TANC2: variants seen among roughly 807,000 people sequenced by gnomAD.
TANC2 encodes protein TANC2.
Under a neutral mutation model 210.5 loss-of-function variants are expected in TANC2, and 26 were observed. The observed-to-expected ratio is 0.12, with a 90% CI of 0.09 to 0.17. TANC2 has a LOEUF of 0.17. Among genes scored for constraint, TANC2 ranks in the 10% least tolerant of loss-of-function variants. The pLI is 1.00. For synonymous variants in TANC2, 931 were observed against 967.1 expected, an observed-to-expected ratio of 0.96 and a Z score of 0.69; for missense variants, 2,129 against 2,608.9, an observed-to-expected ratio of 0.82 and a Z score of 4.01.
chr17:63,110,212 A>T (rs2037982956), intron 4 of TANC2, among the ~76,000 whole-genome samples: 1 of 151,574 alleles, frequency 6.6e-6, no homozygotes, highest in African/African-American at 2.4e-5. Context: ...GCATGGCTTT[A>T]CAGAAACTGT....
At chr17:63,257,442 C>A (rs947861481) in intron 8 of TANC2, among the ~76,000 whole-genome samples, 2 of 151,620 alleles carry the variant, frequency 1.3e-5, no homozygotes, top group Non-Finnish European at 2.9e-5. Flanking sequence ...ACTGCAACCC[C>A]CACCTCCTGG....
intron 4 of TANC2, among the ~76,000 whole-genome samples, chr17:63,106,512 A>T (rs1424296526): frequency 2.0e-5 from 3 of 151,630 alleles, no homozygotes; most frequent in Non-Finnish European, 4.4e-5. Context: ...TGACCAGATT[A>T]TCAAGGGTAG....
chr17:63,384,487 G>C (rs969729241), intron 15 of TANC2, among the ~76,000 whole-genome samples: 1 of 151,658 alleles, frequency 6.6e-6, no homozygotes, highest in South Asian at 2.1e-4. Flanking sequence ...TATATATTTG[G>C]GGTTAAGAGT....
chr17:63,217,878 G>GT (rs2145909829), intron 7 of TANC2, among the ~76,000 whole-genome samples: 1 of 152,108 alleles, frequency 6.6e-6, no homozygotes, highest in East Asian at 1.9e-4. Context: ...TTACTAATGG[G>GT]TTTTATACCA....
chr17:63,343,043 C>T (rs1386349045), intron 12 of TANC2, among the ~76,000 whole-genome samples: 1 of 151,682 alleles, frequency 6.6e-6, no homozygotes, highest in Non-Finnish European at 1.5e-5. Context: ...TTAGAGTGAC[C>T]CAAAAGAACT....
intron 3 of TANC2, among the ~76,000 whole-genome samples, chr17:63,090,757 C>T (rs375653826): frequency 6.6e-6 from 1 of 152,136 alleles, no homozygotes; most frequent in Non-Finnish European, 1.5e-5. Context: ...GGTATTTCTA[C>T]TTCTAGATCC....
intron 2 of TANC2, among the ~76,000 whole-genome samples, chr17:63,070,751 T>C (rs1020044537): frequency 1.3e-5 from 2 of 152,210 alleles, no homozygotes; most frequent in African/African-American, 4.8e-5. Flanking sequence ...AAAGAAAATT[T>C]TATTAGAGTA....
intron 12 of TANC2, among the ~76,000 whole-genome samples, chr17:63,343,869 T>C (rs997586846): frequency 1.3e-5 from 2 of 152,154 alleles, no homozygotes; most frequent in East Asian, 3.9e-4. Flanking sequence ...GCACTCCAGC[T>C]TGGGTAACAG....
chr17:63,200,838 C>A, exon 7 of TANC2: 1 of 1,613,882 alleles, frequency 6.2e-7, no homozygotes, highest in Non-Finnish European at 8.5e-7. Flanking sequence ...TCTCCACCAG[C>A]CAGTAGCCCC....
Position 63,209,181 on chromosome 17 carries a change from T to A in TANC2, c.769+8224T>A, listed in dbSNP as rs991833221. Among the ~76,000 whole-genome samples the A allele has an allele frequency of 3.3e-5, 5 of 152,170 alleles. No homozygotes were observed. In the South Asian group the frequency reaches 8.3e-4, roughly 25 times the overall value. On this transcript the variant is annotated intron_variant, in intron 7 of 27. Coordinates refer to ENST00000689528, the Ensembl canonical transcript of TANC2. ...CATGCCACCACACCCAGCTAATTTT[T>A]GTATTTTTTTTTGTAGAGACAGGAT...
chr17:63,339,075 T>G (rs1298434817), intron 11 of TANC2: 1 of 152,162 alleles, frequency 6.6e-6, no homozygotes, highest in African/African-American at 2.4e-5. Flanking sequence ...CAAAGCTAAG[T>G]AGCTGAAAAA....
intron 4 of TANC2, among the ~76,000 whole-genome samples, chr17:63,136,157 G>C (rs1169332702): frequency 6.6e-6 from 1 of 152,140 alleles, no homozygotes; most frequent in Middle Eastern, 3.2e-3. Context: ...TTCTTGAAAT[G>C]AGAATTTCTT....
At chr17:63,291,757 C>T (rs753094806) in intron 9 of TANC2, among the ~76,000 whole-genome samples, 5 of 152,158 alleles carry the variant, frequency 3.3e-5, no homozygotes, top group Non-Finnish European at 7.4e-5. Context: ...CAGGTAGATG[C>T]TCTTATTATC....
At position 62,993,810 on chromosome 17, in the gene TANC2, T is replaced by C. The variant is rs960649663; in HGVS notation, c.-23-15727T>C. ...TAGATGTGTTAGCATGTGCCTGTAG[T>C]CCCAGCTGCTGTGGAAGCTGAGGCA... On this transcript the variant is annotated intron_variant, in intron 1 of 27. Coordinates refer to ENST00000689528, the Ensembl canonical transcript of TANC2. 2.8e-4 allele frequency among the ~76,000 whole-genome samples: 43 copies of C among 152,098 alleles called. 1 individual carries two copies. Among genetic ancestry groups the C allele is most frequent in the Admixed American group, 2.6e-3 (39 of 15,262 alleles).
At chr17:63,366,465 G>A (rs1056749386) in intron 14 of TANC2, among the ~76,000 whole-genome samples, 1 of 152,152 alleles carries the variant, frequency 6.6e-6, no homozygotes, top group African/African-American at 2.4e-5. Flanking sequence ...TATGACTACC[G>A]TTGGTGTTTC....
At chr17:63,109,951 A>G (rs1490472644) in intron 4 of TANC2, among the ~76,000 whole-genome samples, 2 of 151,652 alleles carry the variant, frequency 1.3e-5, no homozygotes, top group Non-Finnish European at 2.9e-5. Flanking sequence ...CATGATGTCT[A>G]CTTTTCTGTA....
chr17:63,395,923 A>C, exon 18 of TANC2: 1 of 1,605,900 alleles, frequency 6.2e-7, no homozygotes, highest in Non-Finnish European at 8.5e-7. Context: ...CATGGGTTAT[A>C]CTGAGGTAAG....
intron 2 of TANC2, among the ~76,000 whole-genome samples, chr17:63,038,503 T>C (rs937172100): frequency 6.6e-6 from 1 of 152,174 alleles, no homozygotes; most frequent in African/African-American, 2.4e-5. Context: ...TGTCTTTATC[T>C]GGTTTGACAT....
At chr17:63,354,614 C>T (rs2046726831) in intron 13 of TANC2, among the ~76,000 whole-genome samples, 169 bp from the exon 14 acceptor site, 1 of 152,106 alleles carries the variant, frequency 6.6e-6, no homozygotes, top group Non-Finnish European at 1.5e-5. Context: ...GAAGTTGTGT[C>T]CCTTCTATGC....
Sources: allele counts gnomAD v4.1 joint callset (sites outside exome capture counted in the v4.1 genomes callset), GRCh38; gene constraint gnomAD v4.1.1; transcripts MANE v1.5; gene names NCBI Gene and HGNC (gene_info 2026-07-23, HGNC 2026-07-21).